Variants in KAZN observed in about 807,000 individuals in gnomAD.
KAZN encodes kazrin, periplakin interacting protein.
In KAZN, 40 loss-of-function variants were observed where a neutral mutation model predicts 87.4. That is an observed-to-expected ratio of 0.46 (90% confidence interval 0.36 to 0.60). KAZN has a LOEUF of 0.60. KAZN is among the 20% of genes least tolerant of loss of function. KAZN has a pLI of 0.00. For synonymous variants in KAZN, 466 were observed against 458.3 expected (o/e 1.02, Z -0.22); for missense variants, 898 against 1,073.9 (o/e 0.84, Z 2.29).
intron 1 of KAZN, among the ~76,000 whole-genome samples, chr1:14,613,629 G>C (rs752123290): frequency 6.6e-6 from 1 of 152,114 alleles, no homozygotes; most frequent in African/African-American, 2.4e-5. Flanking sequence ...TTACAGCTTC[G>C]GTATTGCATA....
At chr1:14,481,631 T>A (rs1161142074) in intron 2 of KAZN, among the ~76,000 whole-genome samples, 2 of 152,042 alleles carry the variant, frequency 1.3e-5, no homozygotes, top group East Asian at 3.9e-4. Context: ...ACTTCGTTTT[T>A]TAAAGTGAAT....
chr1:14,522,009 G>A (rs961985405), intron 2 of KAZN, among the ~76,000 whole-genome samples: 1 of 152,070 alleles, frequency 6.6e-6, no homozygotes, highest in African/African-American at 2.4e-5. Flanking sequence ...TGTGTGTTAG[G>A]GAATGTACAT....
At chr1:14,038,336 C>T (rs901073397) in intron 1 of KAZN, among the ~76,000 whole-genome samples, 4 of 151,928 alleles carry the variant, frequency 2.6e-5, no homozygotes, top group Middle Eastern at 3.2e-3. Flanking sequence ...AGGGATGATT[C>T]GGAGAGTGAA....
At chr1:14,034,024 A>G (rs182514889) in intron 1 of KAZN, among the ~76,000 whole-genome samples, 3 of 152,360 alleles carry the variant, frequency 2.0e-5, no homozygotes, top group Admixed American at 1.3e-4. Context: ...GCCTGGAACA[A>G]TGTTGGGCGC....
At chr1:14,035,215 G>A (rs975197044) in intron 1 of KAZN, among the ~76,000 whole-genome samples, 5 of 152,132 alleles carry the variant, frequency 3.3e-5, no homozygotes, top group African/African-American at 7.2e-5. Flanking sequence ...GGGGAGATCC[G>A]TGGTTGCCGC....
At chr1:14,722,432 CAGA>C (rs1643165299) in intron 1 of KAZN, among the ~76,000 whole-genome samples, 1 of 152,184 alleles carries the variant, frequency 6.6e-6, no homozygotes, top group Admixed American at 6.5e-5. Flanking sequence ...ATTTAAAACC[CAGA>C]AGAAGAACAT....
chr1:14,952,607 A>G (rs1572906588), intron 1 of KAZN, among the ~76,000 whole-genome samples: 2 of 151,780 alleles, frequency 1.3e-5, no homozygotes, highest in East Asian at 1.9e-4. Flanking sequence ...CAGGGTGTCC[A>G]CCCCGATGGT....
rs192670981 is a variant in KAZN, at chr1:14,175,017, G to A, written c.92-5418G>A. On this transcript the variant is annotated intron_variant, in intron 1 of 16. Transcript: ENST00000636203. ...AAGGCAGGAAGAATGTTTCTCCCAC[G>A]GGAGGGTCACTAGGGAGGACTGTAG... 2.4e-3 allele frequency among the ~76,000 whole-genome samples: 363 copies of A among 152,304 alleles called. 1 individual carries two copies. The highest frequency in any genetic ancestry group is 5.9e-3 in the Admixed American group (90 of 15,306).
chr1:14,023,003 G>A (rs1435222527), intron 1 of KAZN, among the ~76,000 whole-genome samples: 2 of 152,276 alleles, frequency 1.3e-5, no homozygotes, highest in East Asian at 1.9e-4. Flanking sequence ...AAGGGGATAA[G>A]CATCAGCCAA....
At position 14,981,626 on chromosome 1, in the gene KAZN, C is replaced by T. The variant is rs75757213; in HGVS notation, c.418+20751C>T. On this transcript the variant is annotated intron_variant, in intron 2 of 14. Transcript: ENST00000376030. ...GCCTCCTCCTCCAGGTTGCCGGAGC[C>T]CTGCGCTAAGCTGCACAATATGACA... 3.1e-3 allele frequency among the ~76,000 whole-genome samples: 474 copies of T among 152,302 alleles called. 5 individuals are homozygous for T. Among genetic ancestry groups the T allele is most frequent in the African/African-American group, 0.011 (454 of 41,574 alleles).
chr1:14,174,274 G>C (rs910662913), intron 1 of KAZN, among the ~76,000 whole-genome samples: 9 of 152,226 alleles, frequency 5.9e-5, no homozygotes, highest in African/African-American at 2.2e-4. Context: ...AGACTGTCCA[G>C]AGGTGCAGGG....
chr1:14,815,132 T>C (rs990057619), intron 1 of KAZN, among the ~76,000 whole-genome samples: 1 of 152,100 alleles, frequency 6.6e-6, no homozygotes, highest in Non-Finnish European at 1.5e-5. Flanking sequence ...CCTGCTTAGA[T>C]ACTTCCCTGT....
intron 2 of KAZN, among the ~76,000 whole-genome samples, chr1:14,441,881 A>G (rs1043783626): frequency 2.0e-5 from 3 of 152,238 alleles, no homozygotes; most frequent in African/African-American, 7.2e-5. Flanking sequence ...ACCCGTAGCC[A>G]GAAGATCTAA....
intron 1 of KAZN, among the ~76,000 whole-genome samples, chr1:14,781,226 G>A (rs2100645284): frequency 6.6e-6 from 1 of 152,348 alleles, no homozygotes; most frequent in East Asian, 1.9e-4. Context: ...GGAGGCTGAG[G>A]CAGGAGAATG....
Position 14,662,964 on chromosome 1 carries a change from C to CACATATATATATATATATATATATAT in KAZN, c.226+63742_226+63743insCATATATATATATATATATATATATA. Among the ~76,000 whole-genome samples, 2 of 127,962 alleles carry CACATATATATATATATATATATATAT rather than the reference C, an allele frequency of 1.6e-5. 1 individual carries two copies. The highest frequency in any genetic ancestry group is 5.2e-4 in the South Asian group (2 of 3,846). The allele number at this position is 127,962 out of a possible 152,430, so 83.9% of individuals were successfully genotyped here. A position where few individuals can be genotyped will look rare whatever the true frequency, so the allele number is the denominator to read the frequency against. On this transcript the variant is annotated intron_variant, in intron 1 of 14. Transcript: ENST00000376030. ...ATGTAAATATATATATATATGCACA[C>CACATATATATATATATATATATATAT]ATATATATATATATATATTTTAGAG...
chr1:13,995,404 G>A (rs1456967752), intron 1 of KAZN, among the ~76,000 whole-genome samples: 2 of 152,052 alleles, frequency 1.3e-5, no homozygotes, highest in Non-Finnish European at 2.9e-5. Flanking sequence ...TATGCTAGCA[G>A]CAATAAACAG....
intron 13 of KAZN, among the ~76,000 whole-genome samples, chr1:15,105,041 A>G (rs1370820877): frequency 6.6e-6 from 1 of 152,194 alleles, no homozygotes; most frequent in Non-Finnish European, 1.5e-5. Flanking sequence ...AATCCTTTTT[A>G]TATATTGCTG....
At chr1:14,087,283 A>G (rs1643879572) in intron 1 of KAZN, among the ~76,000 whole-genome samples, 1 of 152,178 alleles carries the variant, frequency 6.6e-6, no homozygotes, top group Admixed American at 6.5e-5. Flanking sequence ...ATATATAGAA[A>G]TACAAATTAT....
chr1:13,933,091 C>G lies in KAZN; in HGVS notation c.91+39335C>G, dbSNP rs555254719. On this transcript the variant is annotated intron_variant, in intron 1 of 16. Coordinates refer to the KAZN transcript ENST00000636203. ...AGAAACCAGCATTGTACATGACTAT[C>G]ACGTAAACTCAAGGCGTTATTTGGG... 6.7e-4 allele frequency among the ~76,000 whole-genome samples: 102 copies of G among 152,232 alleles called. 3 individuals carry two copies. In the South Asian group the frequency reaches 0.019, roughly 29 times the overall value.
Sources: gnomAD v4.1 joint callset for allele counts (sites outside exome capture counted in the v4.1 genomes callset) on GRCh38, gnomAD v4.1.1 for gene constraint, MANE v1.5 for transcripts, NCBI Gene and HGNC (gene_info 2026-07-23, HGNC 2026-07-21) for gene names.